PPP2R5E: variants seen among roughly 807,000 people sequenced by gnomAD.
PPP2R5E encodes the protein serine/threonine-protein phosphatase 2A 56 kDa regulatory subunit epsilon isoform.
Under a neutral mutation model 65.3 loss-of-function variants are expected in PPP2R5E, and 4 were observed. That is an observed-to-expected ratio of 0.06 (90% CI 0.03 to 0.14). The LOEUF is 0.14. Ranked by LOEUF, PPP2R5E falls within the 10% of genes least tolerant of loss-of-function variation. The probability of loss-of-function intolerance (pLI) is 1.00; values close to 1 mark genes in which losing one functional copy is unlikely to be tolerated. For synonymous variants in PPP2R5E, 183 were observed against 187.4 expected (o/e 0.98, Z 0.19); for missense variants, 274 against 556.1 (o/e 0.49, Z 5.10).
At chr14:63,482,023 T>C (rs1007490309) in intron 2 of PPP2R5E, among the ~76,000 whole-genome samples, 3 of 152,228 alleles carry the variant, frequency 2.0e-5, no homozygotes, top group African/African-American at 4.8e-5. Context: ...AGTTTAATTA[T>C]TAAATGTCAA....
chr14:63,391,714 C>G (rs188748215), intron 10 of PPP2R5E, 103 bp downstream of exon 10: 2 of 1,280,572 alleles, frequency 1.6e-6, no homozygotes, highest in Non-Finnish European at 2.2e-6. Flanking sequence ...TGAGCCACTG[C>G]GCCCAGCCCT....
At chr14:63,426,446 C>G (rs368610066) in intron 3 of PPP2R5E, among the ~76,000 whole-genome samples, 1 of 150,722 alleles carries the variant, frequency 6.6e-6, no homozygotes, top group East Asian at 1.9e-4. Flanking sequence ...AAGATTTGGA[C>G]GGAAAGGCAA....
In PPP2R5E at chr14:63,374,721, G is replaced by T. The variant is rs1475814784; in HGVS notation, c.*1288C>A. ...TTGTTTTTTTTTCTTAAACAATTTG[G>T]TCACGATGCACCTTTGATATAAAAG... is the stretch of plus-strand genomic sequence containing the variant. On this transcript the variant is annotated 3_prime_UTR_variant, in exon 14 of 14. Coordinates refer to ENST00000337537, the MANE Select transcript of PPP2R5E (RefSeq NM_006246.5). 1.4e-4 allele frequency: 20 copies of T among 141,582 alleles called. 1 individual carries two copies. The highest frequency in any genetic ancestry group is 2.1e-4 in the South Asian group (1 of 4,668). 8.8% of individuals were successfully genotyped at this position (141,582 alleles called of 1,614,324 possible).
At chr14:63,399,887 G>A (rs1051434985) in intron 5 of PPP2R5E, among the ~76,000 whole-genome samples, 1 of 152,196 alleles carries the variant, frequency 6.6e-6, no homozygotes, top group Non-Finnish European at 1.5e-5. Context: ...GACCTCAGGT[G>A]ATTTAGACAT....
intron 2 of PPP2R5E, among the ~76,000 whole-genome samples, chr14:63,473,587 C>T (rs73274683): frequency 0.029 from 4,452 of 152,208 alleles, 195 homozygotes; most frequent in African/African-American, 0.097. Flanking sequence ...TAAAGAAATG[C>T]CTCTAAATGC....
At position 63,543,336 on chromosome 14, in the gene PPP2R5E, G is replaced by C. The variant is rs955605255; in HGVS notation, c.-565C>G. On this transcript the variant is annotated 5_prime_UTR_variant, in exon 1 of 14. Transcript: ENST00000337537. ...CTCCTATTGTCAATATCACCGGGCG[G>C]CTGAGTCCATGGCACACGCGCAACC... 2 of 152,780 alleles carry C rather than the reference G, an allele frequency of 1.3e-5. No homozygotes were observed. The highest frequency in any genetic ancestry group is 4.8e-5 in the African/African-American group (2 of 41,464). 9.5% of individuals were successfully genotyped at this position (152,780 alleles called of 1,614,324 possible).
At chr14:63,395,164 C>A in intron 7 of PPP2R5E, 62 bp downstream of exon 7, 2 of 1,435,870 alleles carry the variant, frequency 1.4e-6, no homozygotes, top group Non-Finnish European at 9.8e-7. Flanking sequence ...CTTGGTGCCA[C>A]CTGAACCTAA....
At chr14:63,403,115 T>C (rs980062391) in intron 5 of PPP2R5E, among the ~76,000 whole-genome samples, 1 of 152,116 alleles carries the variant, frequency 6.6e-6, no homozygotes, top group South Asian at 2.1e-4. Flanking sequence ...AATTTACACT[T>C]AGCCAAAATG....
intron 5 of PPP2R5E, among the ~76,000 whole-genome samples, chr14:63,411,934 G>C (rs1244962721): frequency 6.6e-6 from 1 of 152,150 alleles, no homozygotes; most frequent in Admixed American, 6.5e-5. Context: ...TGAAGTCTGG[G>C]CTTTTAGCGT....
chr14:63,395,339 A>G (rs925162811), intron 6 of PPP2R5E, 54 bp from the exon 7 acceptor site: 55 of 1,021,758 alleles, frequency 5.4e-5, no homozygotes, highest in Non-Finnish European at 5.8e-5. Flanking sequence ...AGGAGAAGGA[A>G]GGGATAAAAA....
At chr14:63,519,700 T>A (rs1892812500) in intron 2 of PPP2R5E, among the ~76,000 whole-genome samples, 1 of 148,994 alleles carries the variant, frequency 6.7e-6, no homozygotes, top group African/African-American at 2.5e-5. Flanking sequence ...GTTGCTCTGT[T>A]ACCGAGGCTG....
At chr14:63,376,893 C>T (rs930104106) in intron 13 of PPP2R5E, among the ~76,000 whole-genome samples, 5 of 152,176 alleles carry the variant, frequency 3.3e-5, no homozygotes, top group Middle Eastern at 3.4e-3. Context: ...CCAGGCTGGG[C>T]GCAGTGGCTC....
intron 2 of PPP2R5E, among the ~76,000 whole-genome samples, chr14:63,503,390 T>C (rs895829952): frequency 5.3e-5 from 8 of 152,174 alleles, no homozygotes; most frequent in Non-Finnish European, 1.2e-4. Flanking sequence ...AAACAAGCAC[T>C]ATGACACTGC....
At chr14:63,492,549 A>C (rs1038941118) in intron 2 of PPP2R5E, among the ~76,000 whole-genome samples, 1 of 152,198 alleles carries the variant, frequency 6.6e-6, no homozygotes, top group Non-Finnish European at 1.5e-5. Context: ...ACATTTTAAA[A>C]GGATCTGATG....
At chr14:63,459,454 A>C (rs1013666306) in intron 2 of PPP2R5E, among the ~76,000 whole-genome samples, 2 of 152,234 alleles carry the variant, frequency 1.3e-5, no homozygotes, top group Non-Finnish European at 2.9e-5. Flanking sequence ...AAGCCTTTAT[A>C]ATAAATCAAA....
intron 2 of PPP2R5E, among the ~76,000 whole-genome samples, chr14:63,470,810 G>A (rs1463214093): frequency 2.2e-5 from 3 of 133,364 alleles, no homozygotes; most frequent in Admixed American, 7.6e-5. Context: ...GATCAACACA[G>A]AAAGACCTCC....
chr14:63,499,654 G>A (rs1376070064), intron 2 of PPP2R5E, among the ~76,000 whole-genome samples: 1 of 152,048 alleles, frequency 6.6e-6, no homozygotes, highest in African/African-American at 2.4e-5. Context: ...TTGGACCTGG[G>A]AGGCAGAGGT....
chr14:63,383,512 C>T (rs975636670), intron 12 of PPP2R5E, among the ~76,000 whole-genome samples: 1 of 152,228 alleles, frequency 6.6e-6, no homozygotes, highest in African/African-American at 2.4e-5. Context: ...TCTCTAGGTC[C>T]TCAAGAGACT....
intron 3 of PPP2R5E, among the ~76,000 whole-genome samples, chr14:63,445,879 G>T (rs1022141032): frequency 1.3e-5 from 2 of 151,552 alleles, no homozygotes; most frequent in Admixed American, 6.6e-5. Flanking sequence ...TTGTGGCTTC[G>T]ATTGACTCTT....
Sources: allele counts gnomAD v4.1 joint callset (sites outside exome capture counted in the v4.1 genomes callset), GRCh38; gene constraint gnomAD v4.1.1; transcripts MANE v1.5; gene names NCBI Gene and HGNC (gene_info 2026-07-23, HGNC 2026-07-21).